Variants in NPAS3 observed in about 807,000 individuals in gnomAD.
NPAS3 encodes the protein neuronal PAS domain protein 3, also known as neuronal PAS domain-containing protein 3.
Under a neutral mutation model 73.1 loss-of-function variants are expected in NPAS3, and 14 were observed. The observed-to-expected ratio is 0.19, with a 90% CI of 0.13 to 0.30. The LOEUF (loss-of-function observed/expected upper bound fraction) is 0.30. Among genes scored for constraint, NPAS3 ranks in the 10% least tolerant of loss-of-function variants. NPAS3 has a pLI of 1.00. For missense variants in NPAS3, 1,096 were observed against 1,250.0 expected, an observed-to-expected ratio of 0.88 and a Z score of 1.86; for synonymous variants, 620 against 541.5, an observed-to-expected ratio of 1.14 and a Z score of -2.01.
chr14:33,506,047 G>A (rs1165138606), intron 4 of NPAS3, among the ~76,000 whole-genome samples: 1 of 151,822 alleles, frequency 6.6e-6, no homozygotes, highest in Non-Finnish European at 1.5e-5. Context: ...GTATAAACAA[G>A]CAACACTCTA....
chr14:33,548,842 A>G (rs2054973301), intron 4 of NPAS3, among the ~76,000 whole-genome samples: 1 of 152,182 alleles, frequency 6.6e-6, no homozygotes, highest in South Asian at 2.1e-4. Context: ...CACCTAAAGA[A>G]CCTAAGAAAG....
chr14:33,348,646 T>TC (rs2044867014), intron 3 of NPAS3, among the ~76,000 whole-genome samples: 1 of 152,192 alleles, frequency 6.6e-6, no homozygotes, highest in African/African-American at 2.4e-5. Context: ...GTGGCAGAAT[T>TC]CTACTACAAA....
At chr14:33,512,948 A>G (rs914189958) in intron 4 of NPAS3, among the ~76,000 whole-genome samples, 29 of 152,074 alleles carry the variant, frequency 1.9e-4, no homozygotes, top group African/African-American at 5.6e-4. Flanking sequence ...GGTTCTTATG[A>G]AAAGGAAGTT....
At chr14:33,032,191 G>A (rs571281341) in intron 1 of NPAS3, among the ~76,000 whole-genome samples, 5 of 152,156 alleles carry the variant, frequency 3.3e-5, no homozygotes, top group South Asian at 2.1e-4. Context: ...TACATGATGC[G>A]GCTGAAGATT....
At chr14:33,077,012 C>T (rs1026019270) in intron 2 of NPAS3, among the ~76,000 whole-genome samples, 3 of 152,088 alleles carry the variant, frequency 2.0e-5, no homozygotes, top group Non-Finnish European at 4.4e-5. Context: ...TGAGCACCTA[C>T]CAGGTACCAG....
intron 5 of NPAS3, among the ~76,000 whole-genome samples, chr14:33,647,269 ACT>A (rs536728235): frequency 7.4e-4 from 110 of 148,058 alleles, no homozygotes; most frequent in Middle Eastern, 3.5e-3. Context: ...ACATCTTCTT[ACT>A]CTCTCTCTCT....
intron 2 of NPAS3, among the ~76,000 whole-genome samples, chr14:33,208,479 C>T (rs1404411300): frequency 1.3e-5 from 2 of 152,130 alleles, no homozygotes; most frequent in Non-Finnish European, 2.9e-5. Context: ...GCTTTAATTA[C>T]TCTTTTGATC....
At chr14:33,375,522 A>G (rs1172407789) in intron 4 of NPAS3, among the ~76,000 whole-genome samples, 5 of 152,220 alleles carry the variant, frequency 3.3e-5, no homozygotes, top group Non-Finnish European at 7.3e-5. Context: ...AATTTTGCAT[A>G]TTTAAATTAG....
chr14:32,954,978 A>C (rs1328874285), intron 1 of NPAS3, among the ~76,000 whole-genome samples: 1 of 152,166 alleles, frequency 6.6e-6, no homozygotes, highest in Non-Finnish European at 1.5e-5. Flanking sequence ...TTCGATTGTG[A>C]ATAGACATGC....
chr14:33,090,957 A>C (rs2042204573), intron 2 of NPAS3, among the ~76,000 whole-genome samples: 1 of 152,212 alleles, frequency 6.6e-6, no homozygotes, highest in Admixed American at 6.5e-5. Flanking sequence ...ATGAGAACAA[A>C]CATACCAGAA....
chr14:33,046,956 A>G (rs889785472), intron 1 of NPAS3, among the ~76,000 whole-genome samples: 2 of 152,170 alleles, frequency 1.3e-5, no homozygotes, highest in African/African-American at 4.8e-5. Flanking sequence ...CCTGGGTGAC[A>G]GAGTGAGACT....
chr14:33,289,551 C>T (rs1003140970), intron 3 of NPAS3, among the ~76,000 whole-genome samples: 2 of 152,054 alleles, frequency 1.3e-5, no homozygotes, highest in African/African-American at 4.8e-5. Flanking sequence ...CCAGGTGCGG[C>T]GGCTCATGCC....
At chr14:33,697,616 T>C (rs1006219212) in intron 6 of NPAS3, among the ~76,000 whole-genome samples, 1 of 152,202 alleles carries the variant, frequency 6.6e-6, no homozygotes, top group African/African-American at 2.4e-5. Context: ...TAATCAATCT[T>C]CTTAAATGGT....
At chr14:33,589,162 T>C (rs958567890) in intron 5 of NPAS3, among the ~76,000 whole-genome samples, 10 of 152,220 alleles carry the variant, frequency 6.6e-5, no homozygotes, top group African/African-American at 2.2e-4. Context: ...GTCAGGCTTA[T>C]AACTAAAGGA....
intron 3 of NPAS3, 81 bp downstream of exon 3, chr14:33,215,507 T>A: frequency 2.0e-6 from 3 of 1,479,320 alleles, no homozygotes. Context: ...TCATCCTTTC[T>A]TCTTTTCCTG....
intron 3 of NPAS3, among the ~76,000 whole-genome samples, chr14:33,288,561 G>C (rs1207912704): frequency 6.6e-6 from 1 of 151,928 alleles, no homozygotes; most frequent in African/African-American, 2.4e-5. Flanking sequence ...TTGAGTGAAA[G>C]AACCCAGAGG....
intron 3 of NPAS3, among the ~76,000 whole-genome samples, chr14:33,291,688 T>G (rs919391602): frequency 1.3e-5 from 2 of 152,254 alleles, no homozygotes; most frequent in Non-Finnish European, 2.9e-5. Context: ...CAATCAAGGC[T>G]AATCAAACTG....
At chr14:33,750,491 T>G (rs1356795494) in intron 7 of NPAS3, among the ~76,000 whole-genome samples, 1 of 152,192 alleles carries the variant, frequency 6.6e-6, no homozygotes, top group Non-Finnish European at 1.5e-5. Flanking sequence ...TAACTAGAGT[T>G]TTAGAATGTA....
intron 4 of NPAS3, among the ~76,000 whole-genome samples, chr14:33,524,006 C>T (rs1232924903): frequency 6.6e-6 from 1 of 152,116 alleles, no homozygotes; most frequent in Non-Finnish European, 1.5e-5. Context: ...CATATAATAG[C>T]CAAAAATAAC....
Sources: gnomAD v4.1 joint callset for allele counts (sites outside exome capture counted in the v4.1 genomes callset) on GRCh38, gnomAD v4.1.1 for gene constraint, MANE v1.5 for transcripts, NCBI Gene and HGNC (gene_info 2026-07-23, HGNC 2026-07-21) for gene names.